WASF3: variants seen among roughly 807,000 people sequenced by gnomAD.
WASF3 encodes the protein actin-binding protein WASF3.
In WASF3, 11 loss-of-function variants were observed where a neutral mutation model predicts 46.6. That is an observed-to-expected ratio of 0.24 (90% confidence interval 0.15 to 0.39). The LOEUF (loss-of-function observed/expected upper bound fraction) is 0.39, where lower values mean the gene tolerates loss of function less well. Among genes scored for constraint, WASF3 ranks in the 10% least tolerant of loss-of-function variants. WASF3 has a pLI of 1.00. For missense variants in WASF3, 576 were observed against 669.8 expected, an observed-to-expected ratio of 0.86 and a Z score of 1.55; for synonymous variants, 242 against 259.7, an observed-to-expected ratio of 0.93 and a Z score of 0.65.
chr13:26,608,312 T>G (rs1188866596), intron 1 of WASF3, among the ~76,000 whole-genome samples: 1 of 152,204 alleles, frequency 6.6e-6, no homozygotes, highest in Non-Finnish European at 1.5e-5. Flanking sequence ...GGTAAGTAAT[T>G]TTTGAGTGAA....
Position 26,680,148 on chromosome 13 carries a change from C to T in WASF3, c.717-906C>T, listed in dbSNP as rs766758542. 360 of 1,596,694 alleles carry T rather than the reference C, an allele frequency of 2.3e-4. 3 individuals are homozygous for T. The highest frequency in any genetic ancestry group is 1.2e-4 in the Non-Finnish European group (146 of 1,179,094). On this transcript the variant is annotated intron_variant, in intron 7 of 9. Coordinates refer to ENST00000335327, the MANE Select transcript of WASF3 (RefSeq NM_006646.6). ...AAATGGGCATTGAGTTTATGAGTGA[C>T]GCAAAGAAACTGGAGCAGGCAGGGA...
At chr13:26,585,630 AG>A (rs1292071592) in intron 1 of WASF3, among the ~76,000 whole-genome samples, 5 of 152,266 alleles carry the variant, frequency 3.3e-5, no homozygotes, top group Non-Finnish European at 5.9e-5. Context: ...TTCATATAGT[AG>A]GGGCTCAGGA....
the WASF3 span, among the ~76,000 whole-genome samples, chr13:26,541,963 T>A: frequency 6.6e-6 from 1 of 151,994 alleles, no homozygotes; most frequent in Non-Finnish European, 1.5e-5. Flanking sequence ...GTACCTGTTT[T>A]ATTCCCCCTT....
intron 3 of WASF3, among the ~76,000 whole-genome samples, chr13:26,649,191 C>T (rs1373955087): frequency 6.6e-6 from 1 of 152,046 alleles, no homozygotes; most frequent in African/African-American, 2.4e-5. Flanking sequence ...TAAAAGATGC[C>T]GTTTTATGGG....
chr13:26,647,760 T>C (rs1882192934), intron 3 of WASF3, among the ~76,000 whole-genome samples: 2 of 151,518 alleles, frequency 1.3e-5, no homozygotes, highest in South Asian at 4.2e-4. Context: ...TAGTGAGCCC[T>C]GCCGAAAAAA....
chr13:26,580,407 A>G (rs1392675809), intron 1 of WASF3, among the ~76,000 whole-genome samples: 1 of 152,202 alleles, frequency 6.6e-6, no homozygotes, highest in Non-Finnish European at 1.5e-5. Context: ...AAACACCTGA[A>G]TGAATGGTGC....
At chr13:26,608,033 C>A (rs564712533) in intron 1 of WASF3, among the ~76,000 whole-genome samples, 8 of 149,020 alleles carry the variant, frequency 5.4e-5, no homozygotes, top group African/African-American at 1.7e-4. Flanking sequence ...AATAATGTAC[C>A]CCTCCCCACC....
At chr13:26,547,713 A>T in the WASF3 span, among the ~76,000 whole-genome samples, 1 of 152,172 alleles carries the variant, frequency 6.6e-6, no homozygotes, top group African/African-American at 2.4e-5. Flanking sequence ...GAACTGTAAT[A>T]GTCTGTTTGC....
intron 6 of WASF3, 94 bp from the exon 7 acceptor site, chr13:26,676,455 C>T: frequency 7.3e-7 from 1 of 1,367,032 alleles, no homozygotes; most frequent in African/African-American, 1.5e-5. Flanking sequence ...GTCTGTTCAT[C>T]AGGCATGGGC....
intron 2 of WASF3, among the ~76,000 whole-genome samples, chr13:26,621,691 T>G (rs1394562046): frequency 2.6e-5 from 4 of 152,184 alleles, no homozygotes; most frequent in Non-Finnish European, 5.9e-5. Flanking sequence ...TATGTGGTCT[T>G]TCTTCCTTCC....
chr13:26,680,008 C>A (rs778054750), intron 7 of WASF3: 3 of 1,589,674 alleles, frequency 1.9e-6, no homozygotes, highest in African/African-American at 2.7e-5. Context: ...CTCAGCACCC[C>A]CAATGTGTGT....
Position 26,642,345 on chromosome 13 carries a change from A to C in WASF3, c.75A>C (p.Glu25Asp). The C allele has an allele frequency of 6.2e-7, 1 of 1,612,454 alleles. No individual in the cohort carries two copies. Among genetic ancestry groups the C allele is most frequent in the South Asian group, 1.1e-5 (1 of 90,712 alleles). Residue 25 changes from glutamate to aspartate, a missense_variant, in exon 3 of 10, where the codon GAA (glutamate) becomes GAC (aspartate). Glu to Asp is a conservative substitution (Grantham distance 45). Around this residue, in one of 3 missense-constraint regions of WASF3, gnomAD observed 213 missense variants for 278.0 expected, o/e 0.77. Coordinates refer to ENST00000335327, the MANE Select transcript of WASF3 (RefSeq NM_006646.6). ...RGALPEGITS[E>D]LECVTNSTLA... ...CTCTGCCTGAAGGGATTACCAGCGA[A>C]CTTGAATGTGTAACCAATAGTACTC...
chr13:26,600,977 A>G (rs541841546), intron 1 of WASF3, among the ~76,000 whole-genome samples: 20 of 152,302 alleles, frequency 1.3e-4, no homozygotes, highest in African/African-American at 3.8e-4. Context: ...GCTTACATTT[A>G]TAGGTTATAT....
chr13:26,556,980 C>CTCT (rs56209817), upstream of WASF3, among the ~76,000 whole-genome samples: 150,389 of 152,194 alleles, frequency 0.99, 74,324 homozygotes, highest in East Asian at 1. Flanking sequence ...TCCTTTCCTC[C>CTCT]TTTCTTTTTC....
At chr13:26,632,102 A>G (rs934132576) in intron 2 of WASF3, among the ~76,000 whole-genome samples, 6 of 152,180 alleles carry the variant, frequency 3.9e-5, no homozygotes, top group Non-Finnish European at 5.9e-5. Context: ...TAAATATACA[A>G]TCATGTCATC....
At chr13:26,646,980 C>T (rs1426536113) in intron 3 of WASF3, among the ~76,000 whole-genome samples, 3 of 152,074 alleles carry the variant, frequency 2.0e-5, no homozygotes, top group Non-Finnish European at 4.4e-5. Flanking sequence ...TTCTGAAGGC[C>T]CTACAACTTT....
chr13:26,559,016 T>C (rs1879195569), intron 1 of WASF3, among the ~76,000 whole-genome samples: 1 of 152,242 alleles, frequency 6.6e-6, no homozygotes, highest in South Asian at 2.1e-4. Flanking sequence ...TCTTTTTATA[T>C]GTGCTTTACC....
At chr13:26,644,742 C>T (rs1428892487) in intron 3 of WASF3, among the ~76,000 whole-genome samples, 3 of 152,150 alleles carry the variant, frequency 2.0e-5, no homozygotes, top group Admixed American at 6.5e-5. Context: ...CCGTAATGAC[C>T]ACCGGTTAGG....
chr13:26,580,358 A>G (rs1879940148), intron 1 of WASF3, among the ~76,000 whole-genome samples: 1 of 152,156 alleles, frequency 6.6e-6, no homozygotes, highest in Non-Finnish European at 1.5e-5. Flanking sequence ...AAACACATAC[A>G]GTTTTCTGCT....
Sources: allele counts gnomAD v4.1 joint callset (sites outside exome capture counted in the v4.1 genomes callset), GRCh38; gene constraint gnomAD v4.1.1; regional missense constraint gnomAD v4.1.1; transcripts MANE v1.5; gene names NCBI Gene and HGNC (gene_info 2026-07-23, HGNC 2026-07-21).